Variants in SLC39A11 observed in about 807,000 individuals in gnomAD.
SLC39A11 encodes zinc transporter ZIP11.
A neutral mutation model predicts 36.1 loss-of-function variants in SLC39A11; 33 were observed. The ratio of observed to expected loss-of-function variants is 0.91; its 90% confidence interval spans 0.69 to 1.22. The LOEUF (loss-of-function observed/expected upper bound fraction) is 1.22. Ranked by LOEUF, SLC39A11 falls within the 50% of genes most tolerant of loss-of-function variation. SLC39A11 has a pLI of 0.00. For synonymous variants in SLC39A11, 166 were observed against 170.3 expected (o/e 0.97, Z 0.20); for missense variants, 432 against 430.3 (o/e 1.00, Z -0.03).
chr17:72,726,194 G>A (rs945658999), intron 7 of SLC39A11, among the ~76,000 whole-genome samples: 1 of 152,206 alleles, frequency 6.6e-6, no homozygotes, highest in Admixed American at 6.5e-5. Flanking sequence ...CATTGCAAGA[G>A]CAGCTGCATG....
chr17:72,810,348 C>T (rs1191994323), intron 6 of SLC39A11, among the ~76,000 whole-genome samples: 1 of 152,170 alleles, frequency 6.6e-6, no homozygotes, highest in Non-Finnish European at 1.5e-5. Context: ...AACACCCAAG[C>T]ATCCATTCAC....
At chr17:72,914,867 C>CAATAAATAAATAA (rs2083242278) in intron 5 of SLC39A11, among the ~76,000 whole-genome samples, 1 of 149,330 alleles carries the variant, frequency 6.7e-6, no homozygotes, top group Non-Finnish European at 1.5e-5. Context: ...GACTCTGTCT[C>CAATAAATAAATAA]ATAAATAAAT....
chr17:72,798,620 G>C lies in SLC39A11; in HGVS notation c.601+51014C>G, dbSNP rs2076980464. 3.3e-5 allele frequency among the ~76,000 whole-genome samples: 5 copies of C among 151,814 alleles called. No individual in the cohort carries two copies. The South Asian group carries it at 1.0e-3, about 32-fold the overall frequency. On this transcript the variant is annotated intron_variant, in intron 6 of 9. Transcript: ENST00000255559. ...GGCTGGTCTCGAAATTCTGACCTCAGGTGATCCACCCACCTTGGTCTCCCA... is the reference window on the plus strand; with the variant it reads ...GGCTGGTCTCGAAATTCTGACCTCACGTGATCCACCCACCTTGGTCTCCCA...
intron 7 of SLC39A11, among the ~76,000 whole-genome samples, chr17:72,723,259 T>C (rs573247831): frequency 5.3e-5 from 8 of 152,168 alleles, no homozygotes; most frequent in African/African-American, 1.4e-4. Flanking sequence ...GACAGAGTGC[T>C]GAAATGAGCA....
chr17:72,782,952 A>AG (rs1364834648), intron 6 of SLC39A11, among the ~76,000 whole-genome samples: 2 of 148,540 alleles, frequency 1.3e-5, no homozygotes, highest in Non-Finnish European at 1.5e-5. Flanking sequence ...CGGTGAGCTG[A>AG]GATCATGCCA....
chr17:72,683,608 G>A (rs1008075577), intron 7 of SLC39A11, among the ~76,000 whole-genome samples: 7 of 152,032 alleles, frequency 4.6e-5, no homozygotes, highest in African/African-American at 1.7e-4. Flanking sequence ...AAGTGCTGGT[G>A]TGAGCCACTG....
chr17:72,703,484 G>A (rs1002649413), intron 7 of SLC39A11, among the ~76,000 whole-genome samples: 8 of 152,220 alleles, frequency 5.3e-5, no homozygotes, highest in Admixed American at 2.0e-4. Flanking sequence ...AGGTAACATG[G>A]GGGGTTGGGG....
chr17:72,857,799 C>T (rs969961293), intron 5 of SLC39A11, among the ~76,000 whole-genome samples: 13 of 152,000 alleles, frequency 8.6e-5, no homozygotes, highest in Admixed American at 7.9e-4. Flanking sequence ...GAAAAGTGTT[C>T]GTGTCCTCTG....
intron 7 of SLC39A11, among the ~76,000 whole-genome samples, chr17:72,695,384 C>G (rs1326172438): frequency 6.6e-6 from 1 of 152,236 alleles, no homozygotes; most frequent in Non-Finnish European, 1.5e-5. Context: ...GCCTGGGCTG[C>G]AGCCAGCTGG....
At chr17:72,947,172 A>AT (rs1367927656) in intron 5 of SLC39A11, among the ~76,000 whole-genome samples, 1 of 152,150 alleles carries the variant, frequency 6.6e-6, no homozygotes, top group African/African-American at 2.4e-5. Flanking sequence ...AGTACAAAAA[A>AT]TTAGCCAGGC....
rs144904469 is a variant in SLC39A11 at position 72,771,564 on chromosome 17, A to T, written c.602-34845T>A. On this transcript the variant is annotated intron_variant, in intron 6 of 9. Transcript: ENST00000255559. ...GCTGAGAAGCTCCATGGTAGGATGG[A>T]TTACCTTTAAAGTTTCCTGGGGCCA... Among the ~76,000 whole-genome samples, 578 of 152,074 alleles carry T rather than the reference A, an allele frequency of 3.8e-3. 14 individuals carry two copies. The highest frequency in any genetic ancestry group is 1.9e-3 in the Non-Finnish European group (132 of 67,988).
intron 6 of SLC39A11, 119 bp from the exon 7 acceptor site, chr17:72,736,838 G>C: frequency 2.3e-6 from 2 of 857,668 alleles, no homozygotes; most frequent in Non-Finnish European, 3.9e-6. Flanking sequence ...GAAAATCATC[G>C]TAACAGCAGC....
chr17:72,945,500 A>C (rs188482885), intron 5 of SLC39A11, among the ~76,000 whole-genome samples: 1 of 152,228 alleles, frequency 6.6e-6, no homozygotes, highest in African/African-American at 2.4e-5. Flanking sequence ...AATAGCCATT[A>C]TCAGTTTTGG....
chr17:72,771,171 G>A (rs960423506), intron 6 of SLC39A11, among the ~76,000 whole-genome samples: 2 of 151,836 alleles, frequency 1.3e-5, no homozygotes, highest in Non-Finnish European at 2.9e-5. Context: ...GATCACTTGA[G>A]GTCAGGAGCT....
chr17:72,898,239 A>G (rs1163385267), intron 5 of SLC39A11, among the ~76,000 whole-genome samples: 1 of 152,158 alleles, frequency 6.6e-6, no homozygotes, highest in Non-Finnish European at 1.5e-5. Context: ...TTGTTTTTCA[A>G]CTGGCCGCCC....
At chr17:72,727,651 CAAAAAAAAAAAA>C (rs57874434) in intron 7 of SLC39A11, among the ~76,000 whole-genome samples, 2 of 73,176 alleles carry the variant, frequency 2.7e-5, no homozygotes, top group African/African-American at 4.3e-5. Flanking sequence ...GACTCCGTCT[CAAAAAAAAAAAA>C]AAAAAAAAAG....
At chr17:72,875,520 C>T (rs189035363) in intron 5 of SLC39A11, among the ~76,000 whole-genome samples, 1 of 152,202 alleles carries the variant, frequency 6.6e-6, no homozygotes, top group African/African-American at 2.4e-5. Flanking sequence ...CTATTCAAAC[C>T]CACTGATGCC....
intron 3 of SLC39A11, among the ~76,000 whole-genome samples, chr17:73,061,962 G>A (rs1034257832): frequency 6.6e-6 from 1 of 152,118 alleles, no homozygotes; most frequent in Non-Finnish European, 1.5e-5. Flanking sequence ...TCACGTCACT[G>A]CACTCCAGCC....
intron 6 of SLC39A11, among the ~76,000 whole-genome samples, chr17:72,754,353 C>T (rs965351005): frequency 3.3e-5 from 5 of 151,900 alleles, no homozygotes; most frequent in African/African-American, 7.3e-5. Context: ...GCATACTGCT[C>T]GGGTAGTGGG....
Sources: allele counts gnomAD v4.1 joint callset (sites outside exome capture counted in the v4.1 genomes callset), GRCh38; gene constraint gnomAD v4.1.1; transcripts MANE v1.5; gene names NCBI Gene and HGNC (gene_info 2026-07-23, HGNC 2026-07-21).